Variants in ZFYVE9 observed in about 807,000 individuals in gnomAD.
ZFYVE9 encodes the protein zinc finger FYVE-type containing 9, also known as zinc finger FYVE domain-containing protein 9.
ZFYVE9 carries 43 observed loss-of-function variants against 126.7 expected under a neutral mutation model. The ratio of observed to expected loss-of-function variants is 0.34; its 90% CI spans 0.27 to 0.44. The LOEUF is 0.44. Ranked by LOEUF, ZFYVE9 falls within the 20% of genes least tolerant of loss-of-function variation. The pLI is 1.00. For synonymous variants in ZFYVE9, 521 were observed against 597.4 expected, an observed-to-expected ratio of 0.87 and a Z score of 1.87; for missense variants, 1,476 against 1,697.0, an observed-to-expected ratio of 0.87 and a Z score of 2.29.
At chr1:52,152,789 A>G (rs1438013440) in intron 1 of ZFYVE9, among the ~76,000 whole-genome samples, 1 of 152,234 alleles carries the variant, frequency 6.6e-6, no homozygotes, top group Non-Finnish European at 1.5e-5. Context: ...AGTGGGTTAA[A>G]TAAACAGATA....
At chr1:52,257,622 C>G (rs1161879450) in intron 4 of ZFYVE9, among the ~76,000 whole-genome samples, 1 of 152,128 alleles carries the variant, frequency 6.6e-6, no homozygotes, top group East Asian at 1.9e-4. Context: ...TGTGTTGTTG[C>G]AAAAGTTGAA....
At chr1:52,297,064 C>G (rs974557261) in intron 12 of ZFYVE9, among the ~76,000 whole-genome samples, 1 of 152,058 alleles carries the variant, frequency 6.6e-6, no homozygotes, top group Non-Finnish European at 1.5e-5. Context: ...CCTCAGCCTC[C>G]CAAAGTGCTG....
At chr1:52,182,687 A>G (rs1644723090) in intron 1 of ZFYVE9, among the ~76,000 whole-genome samples, 1 of 152,106 alleles carries the variant, frequency 6.6e-6, no homozygotes. Flanking sequence ...CCTTCCCTCC[A>G]CTATTGTCCT....
At chr1:52,280,182 G>A (rs1004451745) in intron 9 of ZFYVE9, among the ~76,000 whole-genome samples, 2 of 147,050 alleles carry the variant, frequency 1.4e-5, no homozygotes, top group Non-Finnish European at 3.0e-5. Flanking sequence ...TTCGAGACTA[G>A]CCTGGGCAAC....
intron 4 of ZFYVE9, among the ~76,000 whole-genome samples, chr1:52,259,966 T>C (rs1006007973): frequency 2.0e-5 from 3 of 152,138 alleles, no homozygotes; most frequent in African/African-American, 7.2e-5. Context: ...ACACTACTGA[T>C]GAACACTTGG....
intron 5 of ZFYVE9, among the ~76,000 whole-genome samples, chr1:52,265,156 G>A (rs1192986298): frequency 6.6e-6 from 1 of 152,174 alleles, no homozygotes; most frequent in Non-Finnish European, 1.5e-5. Context: ...CTTAACAGGG[G>A]ATCCTAAGGT....
chr1:52,239,630 G>A, intron 4 of ZFYVE9, 35 bp downstream of exon 4: 1 of 1,578,878 alleles, frequency 6.3e-7, no homozygotes, highest in East Asian at 2.3e-5. Context: ...AATCGGGCAT[G>A]CACATTTTGT....
rs149072926 is a variant in ZFYVE9, at chr1:52,308,565, CTTA to C, written c.3438+4646_3438+4648del. Among the ~76,000 whole-genome samples, 1,293 of 152,090 alleles carry C rather than the reference CTTA, an allele frequency of 8.5e-3. 15 individuals are homozygous for C. Among genetic ancestry groups the C allele is most frequent in the African/African-American group, 0.029 (1,208 of 41,476 alleles). On this transcript the variant is annotated intron_variant, in intron 13 of 18. Coordinates refer to ENST00000287727, the MANE Select transcript of ZFYVE9 (RefSeq NM_004799.4). The stretch of plus-strand genomic sequence containing the variant: ...TTTTCCATTTATACTCATAGTCTTT[CTTA>C]TTATTGCCCATATTTTGTGCTCTTT...
Position 52,210,509 on chromosome 1 carries a change from G to A in ZFYVE9, c.-142-5860G>A, listed in dbSNP as rs188882711. On this transcript the variant is annotated intron_variant, in intron 1 of 18. Transcript: ENST00000287727. ...AGGTTTTTATTCTTCTCTTTAAAAT[G>A]TTTATATGAGATTGGTTTGGAGACT... is the stretch of plus-strand genomic sequence containing the variant. 2.9e-4 allele frequency among the ~76,000 whole-genome samples: 44 copies of A among 152,228 alleles called. 1 individual carries two copies. Among genetic ancestry groups the A allele is most frequent in the Admixed American group, 1.2e-3 (19 of 15,296 alleles).
In ZFYVE9 at chr1:52,268,485, G is replaced by C; in HGVS notation, c.2478G>C (p.Arg826Ser). 6.2e-7 allele frequency: 1 copy of C among 1,614,116 alleles called. No individual in the cohort carries two copies. The highest frequency in any genetic ancestry group is 2.2e-5 in the East Asian group (1 of 44,874). Residue 826 changes from arginine to serine, a missense_variant, in exon 7 of 19, where the codon AGG (arginine) becomes AGC (serine). By Grantham distance (110) the Arg-to-Ser change is moderately radical. Around this residue, in one of 2 missense-constraint regions of ZFYVE9, gnomAD observed 669 missense variants for 902.4 expected, o/e 0.74. Transcript: ENST00000287727. ...GAEVAQPREQRRVWFADGILP... is the reference protein window; with the variant it reads ...GAEVAQPREQSRVWFADGILP... ...AAGTGGCTCAGCCCAGAGAGCAGAG[G>C]CGAGTTTGGTTTGCTGATGGGATCT...
intron 1 of ZFYVE9, among the ~76,000 whole-genome samples, chr1:52,201,608 G>A (rs1644923763): frequency 6.6e-6 from 1 of 151,336 alleles, no homozygotes; most frequent in Non-Finnish European, 1.5e-5. Context: ...TGAACTCCTG[G>A]CCTCAAGTGA....
intron 17 of ZFYVE9, among the ~76,000 whole-genome samples, chr1:52,342,267 C>CT (rs35283062): frequency 0.79 from 104,694 of 133,152 alleles, 44,824 homozygotes; most frequent in East Asian, 0.96. Flanking sequence ...TATATTTTGC[C>CT]TTTTTTTTTT....
At chr1:52,281,384 C>T (rs1304172446) in intron 9 of ZFYVE9, among the ~76,000 whole-genome samples, 1 of 152,252 alleles carries the variant, frequency 6.6e-6, no homozygotes, top group African/African-American at 2.4e-5. Context: ...CCACCCGCCT[C>T]GGCCTCCCAA....
intron 14 of ZFYVE9, among the ~76,000 whole-genome samples, chr1:52,333,451 G>A (rs896345132): frequency 5.3e-5 from 8 of 152,184 alleles, no homozygotes; most frequent in African/African-American, 1.7e-4. Flanking sequence ...GATTCTGAAG[G>A]AGGTTTCAGT....
At chr1:52,158,707 A>G (rs1437417205) in intron 1 of ZFYVE9, among the ~76,000 whole-genome samples, 2 of 152,044 alleles carry the variant, frequency 1.3e-5, no homozygotes, top group Admixed American at 6.5e-5. Context: ...GCTACCAAAG[A>G]GCCCTCTGAC....
At position 52,319,101 on chromosome 1, in the gene ZFYVE9, A is replaced by G. The variant is rs540420011; in HGVS notation, c.3439-13667A>G. Among the ~76,000 whole-genome samples, 4 of 152,308 alleles carry G rather than the reference A, an allele frequency of 2.6e-5. No homozygotes were observed. The East Asian group carries it at 7.7e-4, about 29-fold the overall frequency. On this transcript the variant is annotated intron_variant, in intron 13 of 18. Transcript: ENST00000287727. ...GACAGAGTGTGACCCTGTCTCAAAG[A>G]AAAAACCACAACATCAAAAATATGA...
intron 1 of ZFYVE9, among the ~76,000 whole-genome samples, chr1:52,159,664 T>C (rs778217422): frequency 4.6e-5 from 7 of 152,202 alleles, no homozygotes; most frequent in Non-Finnish European, 1.0e-4. Context: ...AGTAGGAGGC[T>C]GTCAGCTAAC....
intron 7 of ZFYVE9, among the ~76,000 whole-genome samples, chr1:52,269,345 C>T (rs910550573): frequency 1.1e-4 from 16 of 151,724 alleles, no homozygotes; most frequent in African/African-American, 3.9e-4. Flanking sequence ...GCCCAGGCTG[C>T]GTCTCGAACT....
intron 13 of ZFYVE9, among the ~76,000 whole-genome samples, chr1:52,322,178 T>C (rs770749322): frequency 4.1e-4 from 63 of 152,172 alleles, no homozygotes; most frequent in Non-Finnish European, 8.4e-4. Context: ...TTGAATCTTC[T>C]TTTCCTCATT....
Sources: gnomAD v4.1 joint callset for allele counts (sites outside exome capture counted in the v4.1 genomes callset) on GRCh38, gnomAD v4.1.1 for gene constraint, gnomAD v4.1.1 regional missense constraint, MANE v1.5 for transcripts, NCBI Gene and HGNC (gene_info 2026-07-23, HGNC 2026-07-21) for gene names.